The following BMPR2 variants were observed in gnomAD, a reference collection of about 807,000 sequenced individuals.
BMPR2 encodes bone morphogenetic protein receptor type-2.
BMPR2 carries 29 observed loss-of-function variants against 100.8 expected under a neutral mutation model. The ratio of observed to expected loss-of-function variants is 0.29; its 90% CI spans 0.21 to 0.39. The LOEUF (loss-of-function observed/expected upper bound fraction) is 0.39. Among genes scored for constraint, BMPR2 ranks in the 10% least tolerant of loss-of-function variants. The pLI is 1.00. For missense variants in BMPR2, 1,011 were observed against 1,274.5 expected (o/e 0.79, Z 3.15); for synonymous variants, 382 against 442.3 (o/e 0.86, Z 1.71).
chr2:202,435,372 AATACAT>A (rs1160530109), intron 1 of BMPR2, among the ~76,000 whole-genome samples: 1 of 59,968 alleles, frequency 1.7e-5, no homozygotes, highest in African/African-American at 7.5e-5. Context: ...TCAAAAAAAA[AATACAT>A]ATATATATAT....
chr2:202,472,534 C>T (rs1692456480), intron 3 of BMPR2, among the ~76,000 whole-genome samples: 1 of 152,196 alleles, frequency 6.6e-6, no homozygotes. Flanking sequence ...TGGCGCATGC[C>T]TGTAATCCCA....
intron 1 of BMPR2, among the ~76,000 whole-genome samples, chr2:202,456,114 T>G (rs1283409517): frequency 2.1e-5 from 3 of 145,592 alleles, no homozygotes; most frequent in African/African-American, 7.6e-5. Flanking sequence ...TTAAGTAGTA[T>G]TGCTAATTAC....
In BMPR2 at chr2:202,439,602, C is replaced by T. The variant is rs1340096409; in HGVS notation, c.77-25207C>T. ...TCTTCTTTATTTTTACTTTTTGTCT[C>T]CTTTCCCTGGCTAGGGGAATCTCCA... On this transcript the variant is annotated intron_variant, in intron 1 of 12. Coordinates refer to ENST00000374580, the MANE Select transcript of BMPR2 (RefSeq NM_001204.7). Among the ~76,000 whole-genome samples, 7 of 149,736 alleles carry T rather than the reference C, an allele frequency of 4.7e-5. 2 individuals are homozygous for T. The highest frequency in any genetic ancestry group is 1.8e-4 in the African/African-American group (7 of 39,518).
intron 3 of BMPR2, among the ~76,000 whole-genome samples, chr2:202,486,612 C>A (rs1692783971): frequency 7.1e-6 from 1 of 140,308 alleles, no homozygotes; most frequent in South Asian, 2.2e-4. Flanking sequence ...GGCAATAGAG[C>A]AAGACTGTCT....
At chr2:202,457,330 G>GT (rs987263575) in intron 1 of BMPR2, among the ~76,000 whole-genome samples, 142 of 145,496 alleles carry the variant, frequency 9.8e-4, no homozygotes, top group Non-Finnish European at 1.2e-3. Context: ...ATGATTAAGG[G>GT]TTTTTTTTTT....
intron 1 of BMPR2, among the ~76,000 whole-genome samples, chr2:202,378,441 T>G (rs1365224316): frequency 6.6e-6 from 1 of 152,254 alleles, no homozygotes; most frequent in Non-Finnish European, 1.5e-5. Flanking sequence ...GGATTGTGCT[T>G]TTAAAACGAG....
chr2:202,398,851 G>A (rs1387989859), intron 1 of BMPR2, among the ~76,000 whole-genome samples: 3 of 152,096 alleles, frequency 2.0e-5, no homozygotes, highest in Admixed American at 6.6e-5. Context: ...GATCATAGCC[G>A]GGTGCGGTGG....
In BMPR2 at chr2:202,457,542, TTATA is replaced by T. The variant is rs775599027; in HGVS notation, c.77-7250_77-7247del. Among the ~76,000 whole-genome samples, 1,055 of 134,034 alleles carry T rather than the reference TTATA, an allele frequency of 7.9e-3. 8 individuals are homozygous for T. The highest frequency in any genetic ancestry group is 0.035 in the East Asian group (166 of 4,724). The allele number at this position is 134,034 out of a possible 152,430, so 87.9% of individuals were successfully genotyped here. On this transcript the variant is annotated intron_variant, in intron 1 of 12. Coordinates refer to ENST00000374580, the MANE Select transcript of BMPR2 (RefSeq NM_001204.7). ...AAGATATATTATTTTTAGCAATATT[TTATA>T]TATATATATATATATAGAGAGAGAG...
At chr2:202,514,734 TTAGTA>T (rs1202932844) in intron 4 of BMPR2, among the ~76,000 whole-genome samples, 149 bp from the exon 5 acceptor site, 1 of 152,234 alleles carries the variant, frequency 6.6e-6, no homozygotes, top group Non-Finnish European at 1.5e-5. Context: ...ATTACCTAGT[TTAGTA>T]AATAGCTTTA....
At chr2:202,434,879 C>CAAAAAA (rs1172617261) in intron 1 of BMPR2, among the ~76,000 whole-genome samples, 3 of 48,922 alleles carry the variant, frequency 6.1e-5, no homozygotes, top group Non-Finnish European at 9.9e-5. Context: ...GACTCTGTCT[C>CAAAAAA]AAAAAAAAAA....
chr2:202,536,504 T>G (rs1375125839), intron 9 of BMPR2, among the ~76,000 whole-genome samples: 1 of 152,186 alleles, frequency 6.6e-6, no homozygotes, highest in Non-Finnish European at 1.5e-5. Context: ...AAGTATATTT[T>G]CTAGTTAATT....
At chr2:202,380,716 G>A (rs532308505) in intron 1 of BMPR2, among the ~76,000 whole-genome samples, 1 of 149,758 alleles carries the variant, frequency 6.7e-6, no homozygotes, top group South Asian at 2.1e-4. Context: ...TCCACCTCCC[G>A]GGTTCAAGCA....
At chr2:202,457,553 TATATATATAGAGAG>T (rs760827916) in intron 1 of BMPR2, among the ~76,000 whole-genome samples, 110 of 97,772 alleles carry the variant, frequency 1.1e-3, no homozygotes, top group Admixed American at 2.2e-3. Flanking sequence ...TATATATATA[TATATATATAGAGAG>T]AGAGAGAGAG....
At position 202,555,654 on chromosome 2, in the gene BMPR2, G is replaced by A; in HGVS notation, c.1989G>A (p.Leu663=). The change falls in exon 12 of 13, where the codon TTG becomes TTA. Residue 663 remains leucine (L), a synonymous_variant. Transcript: ENST00000374580. ...GCTTACAGCTGACAGAAGAAGACTT[G>A]GAAACCAACAAGCTAGACCCAAAAG... The part of the protein sequence containing the change: ...PVCLQLTEED[L]ETNKLDPKEV... The A allele has an allele frequency of 6.2e-7, 1 of 1,613,998 alleles. No individual in the cohort carries two copies. The highest frequency in any genetic ancestry group is 1.1e-5 in the South Asian group (1 of 91,072).
intron 8 of BMPR2, among the ~76,000 whole-genome samples, chr2:202,531,506 T>C (rs1038767321): frequency 3.9e-5 from 6 of 152,358 alleles, no homozygotes; most frequent in Non-Finnish European, 5.9e-5. Context: ...AAGTTTAAGA[T>C]AACACAGTCC....
intron 1 of BMPR2, among the ~76,000 whole-genome samples, chr2:202,420,779 T>C (rs1330581068): frequency 1.3e-5 from 2 of 151,402 alleles, no homozygotes; most frequent in Admixed American, 1.3e-4. Context: ...ACTCCTGACC[T>C]CAGGTCATCC....
chr2:202,560,441 G>A lies in BMPR2; in HGVS notation c.*495G>A, dbSNP rs1008494826. On this transcript the variant is annotated 3_prime_UTR_variant, in exon 13 of 13. Transcript: ENST00000374580. ...TCTTGTTGGACATCTTTTCTCTTGT[G>A]TTTTGTTTGAATGTGCAATAGTTTA... The A allele has an allele frequency of 5.9e-6, 1 of 168,820 alleles. No individual in the cohort carries two copies. Among genetic ancestry groups the A allele is most frequent in the East Asian group, 1.7e-4 (1 of 6,016 alleles). 10.5% of individuals were successfully genotyped at this position (168,820 alleles called of 1,614,324 possible).
chr2:202,379,599 T>C (rs1454647676), intron 1 of BMPR2, among the ~76,000 whole-genome samples: 1 of 152,186 alleles, frequency 6.6e-6, no homozygotes, highest in African/African-American at 2.4e-5. Context: ...TGGCCTAATA[T>C]TGAAGTGGCT....
At chr2:202,418,038 C>T (rs1199690011) in intron 1 of BMPR2, among the ~76,000 whole-genome samples, 1 of 151,862 alleles carries the variant, frequency 6.6e-6, no homozygotes, top group East Asian at 1.9e-4. Context: ...TTTTTTAGAC[C>T]TAATGCCATT....
Sources: gnomAD v4.1 joint callset for allele counts (sites outside exome capture counted in the v4.1 genomes callset) on GRCh38, gnomAD v4.1.1 for gene constraint, MANE v1.5 for transcripts, NCBI Gene and HGNC (gene_info 2026-07-23, HGNC 2026-07-21) for gene names.